Variants in CFAP299 observed in about 807,000 individuals in gnomAD.
CFAP299 encodes the protein cilia- and flagella-associated protein 299.
A neutral mutation model predicts 27.0 loss-of-function variants in CFAP299; 21 were observed. The observed-to-expected ratio is 0.78, with a 90% CI of 0.55 to 1.12. CFAP299 has a LOEUF of 1.12. CFAP299 is among the 50% of genes most tolerant of loss of function. The pLI is 0.00. For synonymous variants in CFAP299, 104 were observed against 98.1 expected, an observed-to-expected ratio of 1.06 and a Z score of -0.36; for missense variants, 310 against 276.6, an observed-to-expected ratio of 1.12 and a Z score of -0.86.
chr4:80,683,781 T>C (rs1032590054), intron 3 of CFAP299, among the ~76,000 whole-genome samples: 3 of 152,198 alleles, frequency 2.0e-5, no homozygotes, highest in African/African-American at 7.2e-5. Flanking sequence ...TATAACAACG[T>C]TTATGAAATA....
chr4:80,601,992 T>C (rs1477930828), intron 3 of CFAP299, among the ~76,000 whole-genome samples: 2 of 152,216 alleles, frequency 1.3e-5, no homozygotes, highest in African/African-American at 2.4e-5. Flanking sequence ...TTCTCACTTA[T>C]AAGCGGGAGC....
chr4:80,880,846 C>T (rs114227284), intron 4 of CFAP299, among the ~76,000 whole-genome samples: 2,454 of 152,280 alleles, frequency 0.016, 56 homozygotes, highest in African/African-American at 0.055. Flanking sequence ...CACTGAGAAG[C>T]TTGCCTTAGT....
chr4:80,482,380 C>A (rs1193149069), intron 2 of CFAP299, among the ~76,000 whole-genome samples: 1 of 151,960 alleles, frequency 6.6e-6, no homozygotes, highest in Non-Finnish European at 1.5e-5. Context: ...TATTAAAATA[C>A]CATTCAACAT....
At chr4:80,815,075 C>T (rs1729354831) in intron 3 of CFAP299, among the ~76,000 whole-genome samples, 1 of 151,792 alleles carries the variant, frequency 6.6e-6, no homozygotes. Context: ...AAAGAAAAGT[C>T]CCAAACTCAA....
At chr4:80,464,114 C>T (rs1729594904) in intron 2 of CFAP299, among the ~76,000 whole-genome samples, 1 of 152,054 alleles carries the variant, frequency 6.6e-6, no homozygotes, top group Non-Finnish European at 1.5e-5. Flanking sequence ...ACTCTCCAAT[C>T]AAGAACTTCT....
chr4:80,540,627 G>A (rs1733954700), intron 2 of CFAP299, among the ~76,000 whole-genome samples: 1 of 152,210 alleles, frequency 6.6e-6, no homozygotes, highest in Non-Finnish European at 1.5e-5. Context: ...GAAAGGCAGA[G>A]TTGGTGATCA....
intron 3 of CFAP299, among the ~76,000 whole-genome samples, chr4:80,725,252 G>A (rs1384777166): frequency 2.0e-5 from 3 of 150,256 alleles, no homozygotes; most frequent in Non-Finnish European, 4.4e-5. Context: ...CACCACACCT[G>A]GCCTGCTTTC....
intron 2 of CFAP299, among the ~76,000 whole-genome samples, chr4:80,555,036 G>A (rs1227932436): frequency 2.0e-5 from 3 of 152,092 alleles, no homozygotes; most frequent in African/African-American, 7.2e-5. Flanking sequence ...CCAATAATAT[G>A]TAGAATGGGA....
intron 2 of CFAP299, chr4:80,387,552 A>G: frequency 1.1e-6 from 1 of 931,290 alleles, no homozygotes; most frequent in Non-Finnish European, 1.7e-6. Context: ...TGTTTTCCTC[A>G]TCCTCCTGCC....
At chr4:80,675,604 G>A (rs895052974) in intron 3 of CFAP299, among the ~76,000 whole-genome samples, 3 of 152,232 alleles carry the variant, frequency 2.0e-5, no homozygotes, top group African/African-American at 4.8e-5. Context: ...GTCTGCAGAA[G>A]TTTCTGCTGC....
At chr4:80,831,714 T>C (rs1385141379) in intron 3 of CFAP299, among the ~76,000 whole-genome samples, 1 of 152,180 alleles carries the variant, frequency 6.6e-6, no homozygotes, top group Admixed American at 6.6e-5. Context: ...TATTAAAGGA[T>C]ATTTTAGTGA....
At chr4:80,959,925 T>C (rs1247152497) in intron 5 of CFAP299, among the ~76,000 whole-genome samples, 1 of 151,828 alleles carries the variant, frequency 6.6e-6, no homozygotes, top group East Asian at 1.9e-4. Context: ...AACAATAAAA[T>C]ATTAAAAAAT....
intron 3 of CFAP299, among the ~76,000 whole-genome samples, chr4:80,636,597 A>G (rs1377340752): frequency 6.6e-6 from 1 of 152,186 alleles, no homozygotes; most frequent in Non-Finnish European, 1.5e-5. Context: ...CTAAAGTGAC[A>G]TGGCTGGTAG....
At chr4:80,799,877 ATT>A (rs1560417746) in intron 3 of CFAP299, among the ~76,000 whole-genome samples, 12 of 33,580 alleles carry the variant, frequency 3.6e-4, no homozygotes, top group African/African-American at 1.6e-3. Context: ...TATATATTAT[ATT>A]ATATAATATA....
chr4:80,869,834 G>A (rs747723633), intron 3 of CFAP299, among the ~76,000 whole-genome samples, 159 bp from the exon 4 acceptor site: 2 of 152,208 alleles, frequency 1.3e-5, no homozygotes, highest in East Asian at 3.9e-4. Context: ...TTTAGGTGCA[G>A]TGGGGAAAAA....
intron 2 of CFAP299, among the ~76,000 whole-genome samples, chr4:80,563,575 A>G (rs1036457449): frequency 1.6e-4 from 24 of 152,064 alleles, no homozygotes; most frequent in Non-Finnish European, 7.4e-5. Flanking sequence ...TTATCACTAT[A>G]AGTGCCTACA....
At chr4:80,833,814 T>G (rs147306572) in intron 3 of CFAP299, among the ~76,000 whole-genome samples, 1,594 of 152,358 alleles carry the variant, frequency 0.01, 23 homozygotes, top group South Asian at 0.061. Context: ...GTGGTGGATC[T>G]CTTTAGCACT....
At chr4:80,387,397 G>T in intron 2 of CFAP299, 1 of 1,057,860 alleles carries the variant, frequency 9.5e-7, no homozygotes, top group Non-Finnish European at 1.5e-6. Flanking sequence ...GGAAATAGGT[G>T]CTGAACTTGC....
chr4:80,830,327 C>T (rs954161805), intron 3 of CFAP299, among the ~76,000 whole-genome samples: 1 of 151,984 alleles, frequency 6.6e-6, no homozygotes, highest in Non-Finnish European at 1.5e-5. Context: ...GGTCCCTTTA[C>T]AAGTCCATAG....
Sources: gnomAD v4.1 joint callset for allele counts (sites outside exome capture counted in the v4.1 genomes callset) on GRCh38, gnomAD v4.1.1 for gene constraint, MANE v1.5 for transcripts, NCBI Gene and HGNC (gene_info 2026-07-23, HGNC 2026-07-21) for gene names.